Variants in CDH8 observed in about 807,000 individuals in gnomAD.
CDH8 encodes cadherin-8.
Under a neutral mutation model 68.1 loss-of-function variants are expected in CDH8, and 17 were observed. That is an observed-to-expected ratio of 0.25 (90% CI 0.17 to 0.37). The LOEUF (loss-of-function observed/expected upper bound fraction) is 0.37. Among genes scored for constraint, CDH8 ranks in the 10% least tolerant of loss-of-function variants. The pLI is 1.00. For synonymous variants in CDH8, 372 were observed against 365.1 expected, an observed-to-expected ratio of 1.02 and a Z score of -0.21; for missense variants, 763 against 999.3, an observed-to-expected ratio of 0.76 and a Z score of 3.19.
At chr16:61,949,995 A>AAC (rs1964865055) in intron 2 of CDH8, among the ~76,000 whole-genome samples, 2 of 151,956 alleles carry the variant, frequency 1.3e-5, no homozygotes, top group Admixed American at 1.3e-4. Context: ...CTTAAAAAAA[A>AAC]AAAAAAATCC....
intron 4 of CDH8, among the ~76,000 whole-genome samples, chr16:61,829,824 C>T (rs910443430): frequency 2.6e-5 from 4 of 151,782 alleles, no homozygotes; most frequent in African/African-American, 9.7e-5. Flanking sequence ...CTAGTCTCAA[C>T]CCCATGACTA....
At chr16:61,749,213 G>GA (rs1216772288) in intron 8 of CDH8, among the ~76,000 whole-genome samples, 3 of 151,680 alleles carry the variant, frequency 2.0e-5, no homozygotes, top group Admixed American at 6.6e-5. Flanking sequence ...ATTAGAGGGG[G>GA]AAAAAAAGGC....
chr16:61,688,043 T>C (rs945452919), intron 10 of CDH8, among the ~76,000 whole-genome samples: 1 of 152,044 alleles, frequency 6.6e-6, no homozygotes, highest in African/African-American at 2.4e-5. Flanking sequence ...CTCTGATTTA[T>C]TTCTCTCTGC....
intron 2 of CDH8, among the ~76,000 whole-genome samples, chr16:61,990,141 G>T (rs1175330637): frequency 6.6e-6 from 1 of 151,928 alleles, no homozygotes; most frequent in East Asian, 1.9e-4. Context: ...TGGTTAATAT[G>T]GTGTCTGGCA....
chr16:61,705,181 T>C (rs1964504787), intron 10 of CDH8, among the ~76,000 whole-genome samples: 1 of 152,112 alleles, frequency 6.6e-6, no homozygotes, highest in Non-Finnish European at 1.5e-5. Flanking sequence ...AGCGAACAGA[T>C]AGAATAGGCA....
At chr16:61,827,542 A>T (rs996196241) in intron 4 of CDH8, among the ~76,000 whole-genome samples, 1 of 151,890 alleles carries the variant, frequency 6.6e-6, no homozygotes, top group Admixed American at 6.6e-5. Flanking sequence ...CAAAACTGTG[A>T]TGTCTCTTAG....
At chr16:62,016,749 G>T (rs1163591274) in intron 2 of CDH8, among the ~76,000 whole-genome samples, 2 of 152,174 alleles carry the variant, frequency 1.3e-5, no homozygotes, top group Non-Finnish European at 1.5e-5. Context: ...ACTGGTATTT[G>T]CTTTTCAGAA....
chr16:61,732,365 G>GAAAA (rs1959561620), intron 8 of CDH8, among the ~76,000 whole-genome samples: 1 of 151,510 alleles, frequency 6.6e-6, no homozygotes, highest in Admixed American at 6.6e-5. Flanking sequence ...AGCGGGAGGT[G>GAAAA]AACAAACAAA....
chr16:61,766,943 T>G (rs1960611397), intron 8 of CDH8, among the ~76,000 whole-genome samples: 1 of 151,962 alleles, frequency 6.6e-6, no homozygotes, highest in Non-Finnish European at 1.5e-5. Flanking sequence ...GCAAGCATAC[T>G]TCACTGTTGG....
At chr16:61,959,277 C>G (rs946213491) in intron 2 of CDH8, among the ~76,000 whole-genome samples, 1 of 151,852 alleles carries the variant, frequency 6.6e-6, no homozygotes, top group Non-Finnish European at 1.5e-5. Context: ...GTACAAAACA[C>G]AAATGTGAAA....
intron 4 of CDH8, among the ~76,000 whole-genome samples, chr16:61,851,104 T>A (rs1962928668): frequency 6.6e-6 from 1 of 152,070 alleles, no homozygotes; most frequent in Admixed American, 6.6e-5. Context: ...ATCTATGCAA[T>A]CCTGATTAAA....
chr16:61,770,224 T>C (rs1439121841), intron 8 of CDH8, among the ~76,000 whole-genome samples: 2 of 151,952 alleles, frequency 1.3e-5, no homozygotes, highest in Non-Finnish European at 2.9e-5. Flanking sequence ...TGCTTGGGAT[T>C]AAGTAGCATC....
chr16:61,764,002 T>C (rs1053892904), intron 8 of CDH8, among the ~76,000 whole-genome samples: 1 of 152,122 alleles, frequency 6.6e-6, no homozygotes, highest in Non-Finnish European at 1.5e-5. Context: ...CAAAGATAAA[T>C]AATTTAGGAT....
intron 8 of CDH8, among the ~76,000 whole-genome samples, chr16:61,776,703 G>A (rs1960907254): frequency 6.6e-6 from 1 of 152,012 alleles, no homozygotes; most frequent in Admixed American, 6.6e-5. Flanking sequence ...TGATAGAATT[G>A]AGTTTATATT....
intron 2 of CDH8, among the ~76,000 whole-genome samples, chr16:61,914,061 T>C (rs1040946472): frequency 6.6e-6 from 1 of 152,116 alleles, no homozygotes; most frequent in African/African-American, 2.4e-5. Flanking sequence ...AGAGGTAATT[T>C]GGACCCATAT....
chr16:61,742,035 G>A (rs544132621), intron 8 of CDH8, among the ~76,000 whole-genome samples: 1 of 152,040 alleles, frequency 6.6e-6, no homozygotes, highest in South Asian at 2.1e-4. Flanking sequence ...TGTTTAATCT[G>A]TATCTTCATT....
chr16:61,783,933 G>T (rs4441254), intron 8 of CDH8, among the ~76,000 whole-genome samples: 20,530 of 152,134 alleles, frequency 0.13, 1,725 homozygotes, highest in Middle Eastern at 0.21. Flanking sequence ...GCTCCTGAAG[G>T]AAGCGCTAAA....
At chr16:61,898,567 G>A (rs760697873) in intron 3 of CDH8, among the ~76,000 whole-genome samples, 7 of 152,076 alleles carry the variant, frequency 4.6e-5, no homozygotes, top group Non-Finnish European at 7.4e-5. Flanking sequence ...TTTTTCCTCT[G>A]GGATAAACAC....
Position 61,917,769 on chromosome 16 carries a change from C to T in CDH8, c.253-16296G>A, listed in dbSNP as rs114491718. Among the ~76,000 whole-genome samples, 157 of 152,186 alleles carry T rather than the reference C, an allele frequency of 1.0e-3. 1 individual carries two copies. The highest frequency in any genetic ancestry group is 3.7e-3 in the African/African-American group (155 of 41,528). ...AACCTTCTTTGCACAGGGTACTGAA[C>T]AATTCTGGCAAGAAGTAAAGCTGTA... is the stretch of plus-strand genomic sequence containing the variant. On this transcript the variant is annotated intron_variant, in intron 2 of 11. Coordinates refer to ENST00000577390, the MANE Select transcript of CDH8 (RefSeq NM_001796.5).
Sources: gnomAD v4.1 joint callset for allele counts (sites outside exome capture counted in the v4.1 genomes callset) on GRCh38, gnomAD v4.1.1 for gene constraint, MANE v1.5 for transcripts, NCBI Gene and HGNC (gene_info 2026-07-23, HGNC 2026-07-21) for gene names.